The following GPATCH2L variants were observed in gnomAD, a reference collection of about 807,000 sequenced individuals.
GPATCH2L encodes G-patch domain containing 2 like.
Under a neutral mutation model 57.4 loss-of-function variants are expected in GPATCH2L, and 31 were observed. That is an observed-to-expected ratio of 0.54 (90% CI 0.41 to 0.73). GPATCH2L has a LOEUF of 0.73. GPATCH2L is among the 30% of genes least tolerant of loss of function. The pLI is 0.00. For missense variants in GPATCH2L, 481 were observed against 599.9 expected (o/e 0.80, Z 2.07); for synonymous variants, 199 against 210.7 (o/e 0.94, Z 0.48).
intron 2 of GPATCH2L, among the ~76,000 whole-genome samples, chr14:76,155,819 G>A (rs2038280550): frequency 6.6e-6 from 1 of 152,092 alleles, no homozygotes. Context: ...TTTTGGATGG[G>A]ACAATTCTTT....
chr14:76,155,542 T>A (rs1031971422), intron 2 of GPATCH2L, among the ~76,000 whole-genome samples: 4 of 152,242 alleles, frequency 2.6e-5, no homozygotes, highest in African/African-American at 9.6e-5. Flanking sequence ...TATTTTTTTA[T>A]GGCTGACATT....
chr14:76,232,017 T>TGCAGGCTCACTGCAGCCTCACTGCAGG (rs1236478007), intron 2 of GPATCH2L, among the ~76,000 whole-genome samples: 1 of 4,944 alleles, frequency 2.0e-4, no homozygotes, highest in Non-Finnish European at 4.2e-4. Context: ...GCTCAAGCAA[T>TGCAGGCTCACTGCAGCCTCACTGCAGG]CTTCCTGCTT....
At chr14:76,190,220 T>A (rs1290570729) in intron 8 of GPATCH2L, among the ~76,000 whole-genome samples, 1 of 152,100 alleles carries the variant, frequency 6.6e-6, no homozygotes, top group African/African-American at 2.4e-5. Context: ...TTCAGTTACC[T>A]GCAGTAAAAA....
chr14:76,217,571 A>G (rs2040495298), downstream of GPATCH2L, among the ~76,000 whole-genome samples: 1 of 148,714 alleles, frequency 6.7e-6, no homozygotes, highest in Non-Finnish European at 1.5e-5. Context: ...TTTAGATGCA[A>G]TAAGAGGAGA....
intron 8 of GPATCH2L, among the ~76,000 whole-genome samples, chr14:76,189,449 T>C (rs2039885946): frequency 6.6e-6 from 1 of 152,096 alleles, no homozygotes; most frequent in Admixed American, 6.5e-5. Context: ...AGGTATTTAA[T>C]TTTATTTGTG....
rs1034531614 is a variant in GPATCH2L at position 76,210,655 on chromosome 14, A to G, written c.*8804A>G. On this transcript the variant is annotated 3_prime_UTR_variant, in exon 10 of 10. Coordinates refer to ENST00000261530, the MANE Select transcript of GPATCH2L (RefSeq NM_017926.4). ...TCAATGAAATTTTGCAGATCTTGCAAACCTGTGGCAATAAGAAGGTATTAT... is the reference window on the plus strand; with the variant it reads ...TCAATGAAATTTTGCAGATCTTGCAGACCTGTGGCAATAAGAAGGTATTAT... The G allele has an allele frequency of 7.2e-5, 11 of 152,248 alleles. No individual in the cohort carries two copies. Among genetic ancestry groups the G allele is most frequent in the African/African-American group, 1.7e-4 (7 of 41,470 alleles). 9.4% of individuals were successfully genotyped at this position (152,248 alleles called of 1,614,324 possible). A position where few individuals can be genotyped will look rare whatever the true frequency, so the allele number is the denominator to read the frequency against.
At chr14:76,155,054 T>A in intron 2 of GPATCH2L, 29 bp downstream of exon 2, 10 of 1,571,318 alleles carry the variant, frequency 6.4e-6, no homozygotes, top group Non-Finnish European at 8.6e-6. Context: ...AGTCAAAGAT[T>A]TTCCTGGTTA....
intron 6 of GPATCH2L, chr14:76,177,748 TCTC>T (rs1206477294): frequency 5.3e-6 from 3 of 568,884 alleles, no homozygotes; most frequent in East Asian, 5.9e-5. Flanking sequence ...TTAATCTCTT[TCTC>T]CTCCTCTGAT....
intron 5 of GPATCH2L, 198 bp downstream of exon 5, chr14:76,173,823 T>C (rs2039198242): frequency 2.0e-6 from 1 of 490,112 alleles, no homozygotes; most frequent in Non-Finnish European, 3.6e-6. Context: ...ACGTAATTCA[T>C]ATAGAAGTAC....
intron 8 of GPATCH2L, among the ~76,000 whole-genome samples, chr14:76,185,105 G>C (rs2039716484): frequency 6.6e-6 from 1 of 152,182 alleles, no homozygotes; most frequent in Non-Finnish European, 1.5e-5. Context: ...ACGGTGCCCA[G>C]CACATAGTTC....
Position 76,172,015 on chromosome 14 carries a change from A to T in GPATCH2L, c.900A>T (p.Gln300His). 1.2e-6 allele frequency: 2 copies of T among 1,604,924 alleles called. No homozygotes were observed. Among genetic ancestry groups the T allele is most frequent in the Non-Finnish European group, 1.7e-6 (2 of 1,174,890 alleles). ...TCCTTTTACCTTCTCGGCCAGCTCA[A>T]AGAGGTGAGTTCTGAGGAGACCAAG... ...STFLLPSRPAQRGYHTRLNRL... is the reference protein window; with the variant it reads ...STFLLPSRPAHRGYHTRLNRL... Residue 300 changes from glutamine to histidine, a missense_variant, in exon 4 of 10, where the codon CAA becomes CAT. Physicochemically the swap from Gln to His is conservative, Grantham distance 24. This residue lies in a region of GPATCH2L where 248 missense variants were observed against 270.5 expected (regional missense o/e 0.92). Coordinates refer to ENST00000261530, the MANE Select transcript of GPATCH2L (RefSeq NM_017926.4).
chr14:76,193,225 T>A (rs1027692194), intron 8 of GPATCH2L, among the ~76,000 whole-genome samples: 13 of 152,170 alleles, frequency 8.5e-5, no homozygotes, highest in East Asian at 1.9e-4. Flanking sequence ...TTTTTTTTTT[T>A]AAATTCCAAA....
chr14:76,163,194 A>G (rs2038678381), intron 2 of GPATCH2L, among the ~76,000 whole-genome samples: 2 of 152,130 alleles, frequency 1.3e-5, no homozygotes, highest in Admixed American at 1.3e-4. Flanking sequence ...TAACTTGCAT[A>G]CTTTCTCTAA....
intron 1 of GPATCH2L, among the ~76,000 whole-genome samples, chr14:76,228,941 A>G (rs978255186): frequency 3.3e-5 from 5 of 152,228 alleles, no homozygotes; most frequent in African/African-American, 1.2e-4. Flanking sequence ...GGAATAATCA[A>G]TGATGCTGTG....
chr14:76,175,550 G>C (rs1042900299), intron 5 of GPATCH2L: 1 of 152,108 alleles, frequency 6.6e-6, no homozygotes. Context: ...TTTTTCTGCT[G>C]TAACAAATAG....
At chr14:76,177,904 A>G (rs753694095) in intron 6 of GPATCH2L, 84 bp from the exon 7 acceptor site, 49 of 1,596,128 alleles carry the variant, frequency 3.1e-5, no homozygotes, top group Non-Finnish European at 4.0e-5. Context: ...TCTGGTTACC[A>G]TCAGCTGGGA....
intron 2 of GPATCH2L, among the ~76,000 whole-genome samples, chr14:76,156,255 C>T (rs1340679675): frequency 2.6e-5 from 4 of 152,132 alleles, no homozygotes; most frequent in African/African-American, 7.2e-5. Context: ...GAACATATGA[C>T]CTTTCTGAAG....
chr14:76,171,490 A>T (rs1239959817), intron 3 of GPATCH2L, among the ~76,000 whole-genome samples: 1 of 152,008 alleles, frequency 6.6e-6, no homozygotes, highest in Non-Finnish European at 1.5e-5. Context: ...GTCAGAGAGA[A>T]TTGCTTGAAC....
downstream of GPATCH2L, among the ~76,000 whole-genome samples, chr14:76,215,902 TAAAGTA>T (rs929366744): frequency 2.6e-4 from 40 of 151,376 alleles, no homozygotes; most frequent in African/African-American, 9.2e-4. Flanking sequence ...CCCTAAAACT[TAAAGTA>T]TAATTAAAAA....
Sources: allele counts gnomAD v4.1 joint callset (sites outside exome capture counted in the v4.1 genomes callset), GRCh38; gene constraint gnomAD v4.1.1; regional missense constraint gnomAD v4.1.1; transcripts MANE v1.5; gene names NCBI Gene and HGNC (gene_info 2026-07-23, HGNC 2026-07-21).